Variants in SDK1 observed in about 807,000 individuals in gnomAD.
SDK1 encodes the protein protein sidekick-1.
A neutral mutation model predicts 245.5 loss-of-function variants in SDK1; 157 were observed. That is an observed-to-expected ratio of 0.64 (90% CI 0.56 to 0.73). The LOEUF is 0.73. Among genes scored for constraint, SDK1 ranks in the 30% least tolerant of loss-of-function variants. The probability of loss-of-function intolerance (pLI) is 0.00; values close to 1 mark genes in which losing one functional copy is unlikely to be tolerated. For missense variants in SDK1, 3,583 were observed against 3,002.3 expected, an observed-to-expected ratio of 1.19 and a Z score of -4.52; for synonymous variants, 1,647 against 1,278.5, an observed-to-expected ratio of 1.29 and a Z score of -6.15.
intron 2 of SDK1, among the ~76,000 whole-genome samples, chr7:3,636,192 C>T (rs957763566): frequency 6.6e-6 from 1 of 152,170 alleles, no homozygotes; most frequent in Non-Finnish European, 1.5e-5. Flanking sequence ...AAGTTTCCTC[C>T]TGCCCTCTTC....
At chr7:4,132,298 C>A in intron 27 of SDK1, 27 bp from the exon 28 acceptor site, 1 of 1,572,432 alleles carries the variant, frequency 6.4e-7, no homozygotes, top group African/African-American at 1.3e-5. Context: ...GTCTTGAGAT[C>A]TGAATCCCTG....
chr7:3,737,109 T>G (rs550445190), intron 4 of SDK1, among the ~76,000 whole-genome samples: 1 of 152,244 alleles, frequency 6.6e-6, no homozygotes, highest in Non-Finnish European at 1.5e-5. Context: ...TCTTTCCTTA[T>G]GGCGGAATAG....
intron 36 of SDK1, among the ~76,000 whole-genome samples, chr7:4,207,268 C>A (rs1437704313): frequency 6.6e-6 from 1 of 152,236 alleles, no homozygotes; most frequent in Non-Finnish European, 1.5e-5. Flanking sequence ...GCAAGCCGCT[C>A]TAACAGCCTG....
In SDK1 at chr7:4,050,871, A is replaced by G. The variant is rs376766942; in HGVS notation, c.2719-767A>G. Among the ~76,000 whole-genome samples the G allele has an allele frequency of 3.7e-4, 53 of 144,272 alleles. No homozygotes were observed. The East Asian group carries it at 0.01, about 28-fold the overall frequency. 94.6% of individuals were successfully genotyped at this position (144,272 alleles called of 152,430 possible). A position where few individuals can be genotyped will look rare whatever the true frequency, so the allele number is the denominator to read the frequency against. On this transcript the variant is annotated intron_variant, in intron 18 of 44. Coordinates refer to ENST00000404826, the MANE Select transcript of SDK1 (RefSeq NM_152744.4). ...AAATATATATTATATACTATATGGT[A>G]TATATTATATATACCATATAGTATA...
At chr7:3,501,638 G>T (rs376877505) in intron 1 of SDK1, among the ~76,000 whole-genome samples, 1 of 152,090 alleles carries the variant, frequency 6.6e-6, no homozygotes, top group Non-Finnish European at 1.5e-5. Flanking sequence ...CATTTCATTT[G>T]ATCCACTGTG....
At chr7:3,730,344 C>A (rs550839943) in intron 4 of SDK1, among the ~76,000 whole-genome samples, 7 of 152,352 alleles carry the variant, frequency 4.6e-5, no homozygotes, top group African/African-American at 1.7e-4. Context: ...AGGCTGCTTT[C>A]TTCAGCCCTG....
intron 35 of SDK1, among the ~76,000 whole-genome samples, chr7:4,185,071 G>C (rs1355437220): frequency 6.6e-6 from 1 of 152,178 alleles, no homozygotes; most frequent in Non-Finnish European, 1.5e-5. Context: ...CCAAAGCCAG[G>C]GAGATGTCAT....
intron 5 of SDK1, among the ~76,000 whole-genome samples, chr7:3,914,161 A>G (rs1779286108): frequency 6.6e-6 from 1 of 152,240 alleles, no homozygotes; most frequent in African/African-American, 2.4e-5. Context: ...AAGCATTTGC[A>G]TTATACAGTT....
At chr7:3,957,302 C>G (rs1443727297) in intron 7 of SDK1, among the ~76,000 whole-genome samples, 1 of 152,186 alleles carries the variant, frequency 6.6e-6, no homozygotes, top group African/African-American at 2.4e-5. Context: ...GCAGGAAACA[C>G]TGGCAAGAGC....
At chr7:4,250,034 C>G (rs1332697008) in intron 44 of SDK1, among the ~76,000 whole-genome samples, 1 of 152,180 alleles carries the variant, frequency 6.6e-6, no homozygotes, top group East Asian at 1.9e-4. Flanking sequence ...CTCAATCTCC[C>G]CAAACCACCC....
chr7:4,013,454 G>A (rs950306678), intron 16 of SDK1, among the ~76,000 whole-genome samples: 5 of 152,198 alleles, frequency 3.3e-5, no homozygotes, highest in South Asian at 2.1e-4. Flanking sequence ...TCCTGGGCTC[G>A]TTCCAAGTGT....
intron 1 of SDK1, among the ~76,000 whole-genome samples, chr7:3,577,203 A>G (rs1030962284): frequency 6.6e-6 from 1 of 151,854 alleles, no homozygotes; most frequent in African/African-American, 2.4e-5. Flanking sequence ...CCCATAGCCC[A>G]CCTTTTTATT....
At chr7:3,907,145 T>C (rs1253149395) in intron 5 of SDK1, among the ~76,000 whole-genome samples, 6 of 152,218 alleles carry the variant, frequency 3.9e-5, no homozygotes, top group Non-Finnish European at 7.3e-5. Flanking sequence ...TGTCTCTATC[T>C]GTAAAACTTA....
chr7:3,600,192 G>C (rs1403057077), intron 1 of SDK1, among the ~76,000 whole-genome samples: 1 of 152,116 alleles, frequency 6.6e-6, no homozygotes, highest in African/African-American at 2.4e-5. Context: ...ATTGTAAATG[G>C]TATTATGTGT....
intron 14 of SDK1, among the ~76,000 whole-genome samples, chr7:4,010,208 A>G (rs760272103): frequency 1.3e-5 from 2 of 152,268 alleles, no homozygotes; most frequent in Non-Finnish European, 2.9e-5. Context: ...GCTGGAAGTC[A>G]CTGCCAAGAC....
chr7:3,322,677 C>T (rs940086271), intron 1 of SDK1, among the ~76,000 whole-genome samples: 2 of 152,198 alleles, frequency 1.3e-5, no homozygotes, highest in Non-Finnish European at 2.9e-5. Context: ...CAGGGATCTT[C>T]ATAATCTGAG....
chr7:4,121,855 A>G (rs1273231903), intron 25 of SDK1, among the ~76,000 whole-genome samples: 1 of 152,120 alleles, frequency 6.6e-6, no homozygotes, highest in Non-Finnish European at 1.5e-5. Context: ...TTAGTTTCTA[A>G]TTGAATGTGT....
intron 5 of SDK1, among the ~76,000 whole-genome samples, chr7:3,842,909 C>G (rs1157323689): frequency 2.0e-5 from 3 of 152,160 alleles, no homozygotes; most frequent in Admixed American, 6.5e-5. Flanking sequence ...CCACAATGGT[C>G]TCTTTAGGAA....
chr7:4,223,917 T>C (rs938883601), intron 40 of SDK1, among the ~76,000 whole-genome samples: 67 of 152,204 alleles, frequency 4.4e-4, no homozygotes, highest in African/African-American at 1.5e-3. Context: ...ATCACAGTCA[T>C]TTGTAGACTC....
Sources: gnomAD v4.1 joint callset for allele counts (sites outside exome capture counted in the v4.1 genomes callset) on GRCh38, gnomAD v4.1.1 for gene constraint, MANE v1.5 for transcripts, NCBI Gene and HGNC (gene_info 2026-07-23, HGNC 2026-07-21) for gene names.